Variants in KLRC4 observed in about 807,000 individuals in gnomAD.
KLRC4 encodes NKG2-F type II integral membrane protein.
Under a neutral mutation model 14.3 loss-of-function variants are expected in KLRC4, and 6 were observed. That is an observed-to-expected ratio of 0.42 (90% CI 0.23 to 0.83). The LOEUF (loss-of-function observed/expected upper bound fraction) is 0.83, where lower values mean the gene tolerates loss of function less well. Ranked by LOEUF, KLRC4 falls within the 40% of genes least tolerant of loss-of-function variation. KLRC4 has a pLI of 0.29. For synonymous variants in KLRC4, 53 were observed against 60.5 expected (o/e 0.88, Z 0.57); for missense variants, 158 against 179.4 (o/e 0.88, Z 0.68).
intron 2 of KLRC4, among the ~76,000 whole-genome samples, 191 bp downstream of exon 2, chr12:10,408,721 A>C (rs972240778): frequency 8.6e-5 from 13 of 152,022 alleles, no homozygotes; most frequent in African/African-American, 2.4e-4. Context: ...AGTACACACA[A>C]AAAAATAAAT....
At chr12:10,408,880 G>C (rs745573857) in intron 2 of KLRC4, 32 bp downstream of exon 2, 2 of 1,612,684 alleles carry the variant, frequency 1.2e-6, no homozygotes, top group South Asian at 1.1e-5. Context: ...ATAGTGAAAA[G>C]TTCCCTTATA....
rs1324238980 is a variant in KLRC4 at position 10,407,606 on chromosome 12, T to C, written c.*47A>G. ...TATGATATTGACAGAAATAAGCTTT[T>C]AGTAAAGTGTTGAAACATTTACGTC... On this transcript the variant is annotated 3_prime_UTR_variant, in exon 4 of 4. Coordinates refer to ENST00000309384, the MANE Select transcript of KLRC4 (RefSeq NM_013431.2). 6.3e-7 allele frequency: 1 copy of C among 1,591,062 alleles called. No homozygotes were observed. Among genetic ancestry groups the C allele is most frequent in the Non-Finnish European group, 8.6e-7 (1 of 1,169,020 alleles).
chr12:10,408,438 T>G, intron 2 of KLRC4, 56 bp from the exon 3 acceptor site: 1 of 825,100 alleles, frequency 1.2e-6, no homozygotes, highest in Non-Finnish European at 2.0e-6. Flanking sequence ...TTATAATAAA[T>G]TCAGTTGCTT....
intron 1 of KLRC4, 37 bp from the exon 2 acceptor site, chr12:10,409,047 T>C (rs117527280): frequency 0.011 from 16,972 of 1,610,834 alleles, 117 homozygotes; most frequent in South Asian, 0.015. Flanking sequence ...AGAGGGGAGA[T>C]AGAGAGTTGA....
At chr12:10,408,846 T>C (rs1863541087) in intron 2 of KLRC4, 66 bp downstream of exon 2, 7 of 1,589,692 alleles carry the variant, frequency 4.4e-6, no homozygotes, top group Non-Finnish European at 6.0e-6. Context: ...TATTATGAAA[T>C]GTTTCAAGGC....
Position 10,409,518 on chromosome 12 carries a change from G to C in KLRC4, c.58C>G (p.Gln20Glu). The C allele has an allele frequency of 6.2e-7, 1 of 1,613,970 alleles. No individual in the cohort carries two copies. Among genetic ancestry groups the C allele is most frequent in the Non-Finnish European group, 8.5e-7 (1 of 1,179,904 alleles). The change falls in exon 1 of 4, where the codon CAG (glutamine) becomes GAG (glutamate). Residue 20 changes from glutamine to glutamate, a missense_variant. Physicochemically the swap from Gln to Glu is conservative, Grantham distance 29. Coordinates refer to ENST00000309384, the MANE Select transcript of KLRC4 (RefSeq NM_013431.2). Reference sequence around the variant, plus strand: ...TTATTGCCCTTAAGTTTCCTTTGCTGCCTCTTTGGGTCCTGGGCCAGACTC... The same window carrying C: ...TTATTGCCCTTAAGTTTCCTTTGCTCCCTCTTTGGGTCCTGGGCCAGACTC... Reference protein sequence around the residue: ...EVSLAQDPKRQQRKLKGNKIS... With the variant: ...EVSLAQDPKREQRKLKGNKIS...
rs557843938 is a variant in KLRC4 at position 10,409,086 on chromosome 12, C to T, written c.188-76G>A. ...GAAGGTTTACGTACAAGAGAACTCACGTGCACAGGAAAACATAATGATAAA... is the reference window on the plus strand; with the variant it reads ...GAAGGTTTACGTACAAGAGAACTCATGTGCACAGGAAAACATAATGATAAA... On this transcript the variant is annotated intron_variant, in intron 1 of 3. Coordinates refer to ENST00000309384, the MANE Select transcript of KLRC4 (RefSeq NM_013431.2). 1.1e-4 allele frequency: 166 copies of T among 1,485,610 alleles called. No homozygotes were observed. In the African/African-American group the frequency reaches 1.5e-3, roughly 13 times the overall value. The allele number at this position is 1,485,610 out of a possible 1,614,324, so 92.0% of individuals were successfully genotyped here. A position where few individuals can be genotyped will look rare whatever the true frequency, so the allele number is the denominator to read the frequency against.
intron 1 of KLRC4, 96 bp from the exon 2 acceptor site, chr12:10,409,106 G>A: frequency 7.6e-7 from 1 of 1,318,034 alleles, no homozygotes; most frequent in Non-Finnish European, 1.1e-6. Context: ...AAAACATAAT[G>A]ATAAACTCTG....
Position 10,409,586 on chromosome 12 carries a change from G to T in KLRC4, c.-11C>A. 1.2e-6 allele frequency: 2 copies of T among 1,609,076 alleles called. No individual in the cohort carries two copies. The highest frequency in any genetic ancestry group is 1.7e-6 in the Non-Finnish European group (2 of 1,178,160). On this transcript the variant is annotated 5_prime_UTR_variant, in exon 1 of 4. Coordinates refer to ENST00000309384, the MANE Select transcript of KLRC4 (RefSeq NM_013431.2). ...TCTTTGTTTATTCATCTCTGCAGCT[G>T]TGTGATGTCAGGGACTGTGCTCTAT...
chr12:10,408,184 T>C (rs1863529646), intron 3 of KLRC4, 145 bp downstream of exon 3: 3 of 577,154 alleles, frequency 5.2e-6, no homozygotes, highest in East Asian at 3.2e-5. Flanking sequence ...GAAAAGGACA[T>C]GCCCTCATAT....
In KLRC4 at chr12:10,408,754, T is replaced by C. The variant is rs117700961; in HGVS notation, c.286+158A>G. Among the ~76,000 whole-genome samples, 215 of 152,328 alleles carry C rather than the reference T, an allele frequency of 1.4e-3. 3 individuals are homozygous for C. In the East Asian group the frequency reaches 0.038, roughly 27 times the overall value. ...AATGTTTTCTACAATTATTCTGTTA[T>C]TTATAAATTTGAAAAGTTCAGAAGC... On this transcript the variant is annotated intron_variant, in intron 2 of 3. Transcript: ENST00000309384.
At chr12:10,407,927 C>T (rs989466036) in intron 3 of KLRC4, 138 bp from the exon 4 acceptor site, 198 of 1,243,356 alleles carry the variant, frequency 1.6e-4, no homozygotes, top group Non-Finnish European at 2.0e-4. Context: ...TTTAAAATAA[C>T]GAGTCACTCA....
rs146324289 is a variant in KLRC4 at position 10,407,697 on chromosome 12, C to T, written c.433G>A (p.Val145Ile). The T allele has an allele frequency of 7.4e-6, 12 of 1,613,714 alleles. No individual in the cohort carries two copies. In the African/African-American group the frequency reaches 1.5e-4, roughly 20 times the overall value. Residue 145 changes from valine (V) to isoleucine (I), a missense_variant, in exon 4 of 4, where the codon GTT (valine) becomes ATT (isoleucine). Coordinates refer to ENST00000309384, the MANE Select transcript of KLRC4 (RefSeq NM_013431.2). Reference protein sequence around the residue: ...GKERRTWEERVCWPVLRRTLI... With the variant: ...GKERRTWEERICWPVLRRTLI... ...GTTCTTCGAAGCACAGGCCAGCAAACTCTTTCTTCCCAAGTTCTTCTTTCC... is the reference window on the plus strand; with the variant it reads ...GTTCTTCGAAGCACAGGCCAGCAAATTCTTTCTTCCCAAGTTCTTCTTTCC...
chr12:10,409,426 C>T lies in KLRC4; in HGVS notation c.150G>A (p.Ser50=), dbSNP rs1841957. The change falls in exon 1 of 4, where the codon TCG becomes TCA. Residue 50 remains serine (S), a synonymous_variant. Coordinates refer to ENST00000309384, the MANE Select transcript of KLRC4 (RefSeq NM_013431.2). ...ATGTCTTGTCATTCCCTTGATGATC[C>T]GAAGAAGCATTTTGAAGGTTTAATT... is the stretch of plus-strand genomic sequence containing the variant. ...QVELNLQNAS[S]DHQGNDKTYH... is the part of the protein sequence containing the mutation. 0.65 allele frequency: 1,049,522 copies of T among 1,611,628 alleles called. 349,716 individuals are homozygous for T. The highest frequency in any genetic ancestry group is 0.69 in the Non-Finnish European group (811,967 of 1,178,014).
At chr12:10,408,297 C>T in intron 3 of KLRC4, 32 bp downstream of exon 3, 2 of 1,300,242 alleles carry the variant, frequency 1.5e-6, no homozygotes, top group South Asian at 1.2e-5. Flanking sequence ...ATAAACTGTA[C>T]TAACATCAGA....
chr12:10,407,909 A>G, intron 3 of KLRC4, 120 bp from the exon 4 acceptor site: 1 of 1,345,560 alleles, frequency 7.4e-7, no homozygotes, highest in East Asian at 2.5e-5. Context: ...AAGTTGTTAA[A>G]TATATATTTT....
rs78576578 is a variant in KLRC4 at position 10,408,437 on chromosome 12, A to T, written c.287-55T>A. The T allele has an allele frequency of 3.8e-3, 3,156 of 836,664 alleles. 74 individuals are homozygous for T. The African/African-American group carries it at 0.051, about 14-fold the overall frequency. 51.8% of individuals were successfully genotyped at this position (836,664 alleles called of 1,614,324 possible). On this transcript the variant is annotated intron_variant, in intron 2 of 3. Coordinates refer to ENST00000309384, the MANE Select transcript of KLRC4 (RefSeq NM_013431.2). ...TTAATATCTAGACAAATTATAATAA[A>T]TTCAGTTGCTTACTTTGAAATACAA...
At chr12:10,408,245 A>G (rs1308085477) in intron 3 of KLRC4, 84 bp downstream of exon 3, 2 of 840,258 alleles carry the variant, frequency 2.4e-6, no homozygotes, top group African/African-American at 1.7e-5. Flanking sequence ...TTATTTTCCC[A>G]AAACATTTTA....
intron 3 of KLRC4, among the ~76,000 whole-genome samples, chr12:10,408,055 T>TTTTTTAA (rs1179167653): frequency 4.6e-5 from 7 of 152,106 alleles, no homozygotes; most frequent in Non-Finnish European, 1.0e-4. Context: ...CAAAACTGCT[T>TTTTTTAA]TTTAAGTATA....
Sources: allele counts gnomAD v4.1 joint callset (sites outside exome capture counted in the v4.1 genomes callset), GRCh38; gene constraint gnomAD v4.1.1; transcripts MANE v1.5; gene names NCBI Gene and HGNC (gene_info 2026-07-23, HGNC 2026-07-21).